The following ARHGEF3 variants were observed in gnomAD, a reference collection of about 807,000 sequenced individuals.
ARHGEF3 encodes the protein Rho guanine nucleotide exchange factor 3, also known as 59.8 kDA protein.
Under a neutral mutation model 63.2 loss-of-function variants are expected in ARHGEF3, and 28 were observed. That is an observed-to-expected ratio of 0.44 (90% CI 0.33 to 0.61). ARHGEF3 has a LOEUF of 0.61. Among genes scored for constraint, ARHGEF3 ranks in the 20% least tolerant of loss-of-function variants. The pLI, the probability that ARHGEF3 is intolerant of heterozygous loss-of-function variation, is 0.03. For missense variants in ARHGEF3, 533 were observed against 659.3 expected, an observed-to-expected ratio of 0.81 and a Z score of 2.10; for synonymous variants, 266 against 254.2, an observed-to-expected ratio of 1.05 and a Z score of -0.44.
chr3:56,994,118 G>A (rs1346337858), intron 2 of ARHGEF3, among the ~76,000 whole-genome samples: 1 of 138,398 alleles, frequency 7.2e-6, no homozygotes, highest in African/African-American at 2.7e-5. Flanking sequence ...CAATCTAAAC[G>A]TGTGTTATTT....
At chr3:56,892,387 A>C (rs891515704) in intron 3 of ARHGEF3, among the ~76,000 whole-genome samples, 1 of 152,126 alleles carries the variant, frequency 6.6e-6, no homozygotes, top group African/African-American at 2.4e-5. Flanking sequence ...CTTCTAAATT[A>C]CTGTAATTAT....
intron 1 of ARHGEF3, among the ~76,000 whole-genome samples, chr3:56,789,953 A>T (rs1026441427): frequency 3.9e-5 from 6 of 152,212 alleles, no homozygotes; most frequent in Non-Finnish European, 7.3e-5. Context: ...TTAAAAGGGA[A>T]AGTGATTAAA....
chr3:57,007,664 C>G (rs1702520499), intron 2 of ARHGEF3, among the ~76,000 whole-genome samples: 1 of 152,162 alleles, frequency 6.6e-6, no homozygotes, highest in Non-Finnish European at 1.5e-5. Context: ...GGGAACTCTG[C>G]TGCTCATGAG....
chr3:57,045,803 A>C (rs1704428524), intron 1 of ARHGEF3, among the ~76,000 whole-genome samples: 1 of 152,218 alleles, frequency 6.6e-6, no homozygotes, highest in African/African-American at 2.4e-5. Flanking sequence ...GTCTTGTGCC[A>C]GTTTTTCTAA....
At chr3:56,953,722 GA>G (rs879382846) in intron 3 of ARHGEF3, among the ~76,000 whole-genome samples, 2 of 152,190 alleles carry the variant, frequency 1.3e-5, no homozygotes, top group Non-Finnish European at 2.9e-5. Flanking sequence ...GGATTTCATA[GA>G]TGGATCCTGG....
chr3:56,985,488 C>T (rs1701497986), intron 2 of ARHGEF3, among the ~76,000 whole-genome samples: 1 of 152,264 alleles, frequency 6.6e-6, no homozygotes, highest in Admixed American at 6.5e-5. Context: ...GCATTGCACT[C>T]GCTACAGGGC....
intron 2 of ARHGEF3, among the ~76,000 whole-genome samples, chr3:57,033,261 C>T (rs1401732206): frequency 6.6e-6 from 1 of 152,094 alleles, no homozygotes; most frequent in Non-Finnish European, 1.5e-5. Flanking sequence ...CTAGAGAATT[C>T]TTGCCCATGT....
Position 56,773,711 on chromosome 3 carries a change from G to T in ARHGEF3, c.202C>A (p.Gln68Lys), listed in dbSNP as rs746845043. Reference sequence around the variant, plus strand: ...CAGGCCCTGTGTGCCCTTCTTACCTGCAGGGTTTGACTGAAGCGCTTTAAT... The same window carrying T: ...CAGGCCCTGTGTGCCCTTCTTACCTTCAGGGTTTGACTGAAGCGCTTTAAT... ...TPLKRFSQTL[Q>K]RSISFRSESR... The change falls in exon 2 of 10, where the codon CAG becomes AAG. Residue 68 changes from glutamine to lysine, a missense_variant and splice_region_variant. Gln to Lys is a moderately conservative substitution (Grantham distance 53, BLOSUM62 1). Coordinates refer to ENST00000296315, the MANE Select transcript of ARHGEF3 (RefSeq NM_019555.3). 1.3e-6 allele frequency: 2 copies of T among 1,579,674 alleles called. No individual in the cohort carries two copies. The highest frequency in any genetic ancestry group is 1.4e-5 in the African/African-American group (1 of 72,260).
intron 3 of ARHGEF3, among the ~76,000 whole-genome samples, chr3:56,920,203 T>C (rs560686448): frequency 3.6e-4 from 55 of 152,324 alleles, no homozygotes; most frequent in East Asian, 2.5e-3. Flanking sequence ...AGTTGAATCA[T>C]ATATTTATAC....
intron 2 of ARHGEF3, among the ~76,000 whole-genome samples, chr3:56,755,710 G>A (rs2035031618): frequency 1.3e-5 from 2 of 152,150 alleles, no homozygotes; most frequent in African/African-American, 4.8e-5. Context: ...ATGAGTTACG[G>A]GAGAAAGGAG....
chr3:56,759,404 C>T (rs1449302007), intron 2 of ARHGEF3, among the ~76,000 whole-genome samples: 1 of 152,104 alleles, frequency 6.6e-6, no homozygotes, highest in Non-Finnish European at 1.5e-5. Flanking sequence ...CTCCTGACCT[C>T]GTGATCCGCC....
At chr3:56,904,587 G>A (rs2041627074) in intron 3 of ARHGEF3, among the ~76,000 whole-genome samples, 1 of 152,130 alleles carries the variant, frequency 6.6e-6, no homozygotes, top group Non-Finnish European at 1.5e-5. Flanking sequence ...GAGTAACATT[G>A]TTCTCTGTTT....
At chr3:56,768,667 C>CAAAAAAAAA (rs770390697) in intron 2 of ARHGEF3, among the ~76,000 whole-genome samples, 3 of 44,020 alleles carry the variant, frequency 6.8e-5, no homozygotes, top group African/African-American at 1.6e-4. Flanking sequence ...AAGCAAAATG[C>CAAAAAAAAA]AAAAAAAAAA....
chr3:56,967,658 C>T (rs1269317354), intron 2 of ARHGEF3, among the ~76,000 whole-genome samples: 1 of 67,824 alleles, frequency 1.5e-5, no homozygotes, highest in Non-Finnish European at 2.5e-5. Context: ...TATAAAATAG[C>T]TATTATATAT....
chr3:57,036,634 T>C (rs1030625581), intron 1 of ARHGEF3, among the ~76,000 whole-genome samples: 5 of 152,166 alleles, frequency 3.3e-5, no homozygotes, highest in African/African-American at 7.2e-5. Flanking sequence ...TGCTGCTTCA[T>C]CTAGTGTCAA....
In ARHGEF3 at chr3:56,898,585, TG is replaced by T. The variant is rs1319780306; in HGVS notation, c.130-16232del. On this transcript the variant is annotated intron_variant, in intron 3 of 12. Transcript: ENST00000338458. ...TTTGGAGTTCCCCTAAAGCAGATCC[TG>T]GAGCAAAGATGTAAGTATCAGCTGT... 1.1e-5 allele frequency: 3 copies of T among 272,042 alleles called. No individual in the cohort carries two copies. The Admixed American group carries it at 1.1e-4, about 10-fold the overall frequency. The allele number at this position is 272,042 out of a possible 1,614,324, so 16.9% of individuals were successfully genotyped here.
At chr3:57,015,600 A>ATTTTTT (rs11290143) in intron 2 of ARHGEF3, among the ~76,000 whole-genome samples, 1 of 129,248 alleles carries the variant, frequency 7.7e-6, no homozygotes, top group Non-Finnish European at 1.6e-5. Context: ...CGCCCTGCTA[A>ATTTTTT]TTTTTTTTTT....
rs1705306830 is a variant in ARHGEF3 at position 57,062,862 on chromosome 3, T to C, written c.-28+16364A>G. Reference sequence around the variant, plus strand: ...TTTTCTTTACGGGTTCAACAAATTATTGTCTGTACCAGGCAAGGCACTGGG... The same window carrying C: ...TTTTCTTTACGGGTTCAACAAATTACTGTCTGTACCAGGCAAGGCACTGGG... On this transcript the variant is annotated intron_variant, in intron 1 of 12. Coordinates refer to the ARHGEF3 transcript ENST00000338458. 1.3e-5 allele frequency among the ~76,000 whole-genome samples: 2 copies of C among 152,190 alleles called. 1 individual carries two copies. The highest frequency in any genetic ancestry group is 4.1e-4 in the South Asian group (2 of 4,826).
intron 2 of ARHGEF3, among the ~76,000 whole-genome samples, chr3:56,773,425 T>G (rs946130737): frequency 6.6e-6 from 1 of 152,144 alleles, no homozygotes; most frequent in African/African-American, 2.4e-5. Context: ...CCCATAGATA[T>G]TTTAGGAAAA....
Sources: gnomAD v4.1 joint callset for allele counts (sites outside exome capture counted in the v4.1 genomes callset) on GRCh38, gnomAD v4.1.1 for gene constraint, MANE v1.5 for transcripts, NCBI Gene and HGNC (gene_info 2026-07-23, HGNC 2026-07-21) for gene names.